Variants in MEGF11 observed in about 807,000 individuals in gnomAD.
MEGF11 encodes the protein multiple EGF like domains 11, also known as multiple epidermal growth factor-like domains protein 11.
Under a neutral mutation model 146.6 loss-of-function variants are expected in MEGF11, and 126 were observed. The observed-to-expected ratio is 0.86, with a 90% confidence interval of 0.74 to 1.00. The LOEUF is 1.00. Among genes scored for constraint, MEGF11 ranks in the 50% least tolerant of loss-of-function variants. The pLI is 0.00. For missense variants in MEGF11, 1,509 were observed against 1,521.2 expected, an observed-to-expected ratio of 0.99 and a Z score of 0.13; for synonymous variants, 532 against 583.4, an observed-to-expected ratio of 0.91 and a Z score of 1.27.
chr15:66,145,257 C>T (rs2089322658), intron 1 of MEGF11, among the ~76,000 whole-genome samples: 1 of 152,108 alleles, frequency 6.6e-6, no homozygotes, highest in East Asian at 1.9e-4. Flanking sequence ...ATGAAATTCA[C>T]CTTAATAAGC....
intron 5 of MEGF11, among the ~76,000 whole-genome samples, chr15:66,066,596 A>G (rs1157403046): frequency 6.6e-6 from 1 of 152,128 alleles, no homozygotes; most frequent in Non-Finnish European, 1.5e-5. Flanking sequence ...TGCTCACTAC[A>G]GGTCTGTCTG....
chr15:66,251,711 C>T (rs1193065567), intron 1 of MEGF11, among the ~76,000 whole-genome samples: 1 of 152,222 alleles, frequency 6.6e-6, no homozygotes, highest in Non-Finnish European at 1.5e-5. Flanking sequence ...GGCCCTGACC[C>T]AGAAGTCAGG....
At chr15:66,204,890 G>A (rs1204929067) in intron 1 of MEGF11, among the ~76,000 whole-genome samples, 1 of 151,542 alleles carries the variant, frequency 6.6e-6, no homozygotes, top group Non-Finnish European at 1.5e-5. Flanking sequence ...ACAAACATAA[G>A]AAGACTGTGA....
intron 13 of MEGF11, among the ~76,000 whole-genome samples, chr15:65,928,113 C>G (rs2079438077): frequency 6.6e-6 from 1 of 152,130 alleles, no homozygotes. Context: ...TGAGACTGGA[C>G]TAAGGAGAAA....
At chr15:65,967,105 A>G (rs2081130529) in intron 8 of MEGF11, 1 of 152,244 alleles carries the variant, frequency 6.6e-6, no homozygotes, top group Non-Finnish European at 1.5e-5. Context: ...TTTTCATAAA[A>G]TGGGACGATA....
intron 1 of MEGF11, among the ~76,000 whole-genome samples, chr15:66,244,373 G>T (rs1039044038): frequency 1.3e-5 from 2 of 152,126 alleles, no homozygotes; most frequent in African/African-American, 2.4e-5. Flanking sequence ...CCACCAGAAA[G>T]CTCAGAGTCC....
At chr15:66,001,029 G>T (rs1232643319) in intron 5 of MEGF11, among the ~76,000 whole-genome samples, 1 of 152,190 alleles carries the variant, frequency 6.6e-6, no homozygotes, top group Non-Finnish European at 1.5e-5. Context: ...ACTTGGGCAG[G>T]ATACTCTGGT....
At chr15:66,049,911 T>C (rs533895274) in intron 5 of MEGF11, among the ~76,000 whole-genome samples, 1 of 152,356 alleles carries the variant, frequency 6.6e-6, no homozygotes, top group African/African-American at 2.4e-5. Context: ...AATCTATTCA[T>C]CCACTCATTT....
At chr15:66,060,534 G>GGAACTGTCTTA in intron 5 of MEGF11, among the ~76,000 whole-genome samples, 1 of 152,194 alleles carries the variant, frequency 6.6e-6, no homozygotes, top group South Asian at 2.1e-4. Context: ...AGTACCTGTT[G>GGAACTGTCTTA]GAACTGTCTT....
Position 65,896,438 on chromosome 15 carries a change from A to C in MEGF11, c.*1496T>G, listed in dbSNP as rs1023449944. On this transcript the variant is annotated 3_prime_UTR_variant, in exon 26 of 26. Transcript: ENST00000395614. ...TTCTATCAAGGGTTTCAGAACTCTC[A>C]TACTTCCTGTAGCAGTATTCCAGCT... 5.2e-5 allele frequency: 8 copies of C among 152,758 alleles called. No individual in the cohort carries two copies. In the East Asian group the frequency reaches 1.4e-3, roughly 26 times the overall value. The allele number at this position is 152,758 out of a possible 1,614,324, so 9.5% of individuals were successfully genotyped here.
intron 5 of MEGF11, among the ~76,000 whole-genome samples, chr15:66,071,211 G>A (rs2085349355): frequency 6.6e-6 from 1 of 152,140 alleles, no homozygotes; most frequent in Admixed American, 6.5e-5. Flanking sequence ...ACCTGTTCAG[G>A]CCCTGATGAC....
intron 1 of MEGF11, among the ~76,000 whole-genome samples, chr15:66,152,419 T>C (rs1366659545): frequency 6.6e-6 from 1 of 152,126 alleles, no homozygotes; most frequent in Non-Finnish European, 1.5e-5. Context: ...GACTTTGCGG[T>C]GTAAGTCACC....
chr15:66,112,816 C>G (rs769219947), intron 4 of MEGF11, among the ~76,000 whole-genome samples: 5 of 152,182 alleles, frequency 3.3e-5, no homozygotes, highest in Admixed American at 1.3e-4. Flanking sequence ...GGCAGCTTAA[C>G]TATCATTCAA....
chr15:65,957,844 A>C (rs1487531962), intron 9 of MEGF11, 123 bp from the exon 10 acceptor site: 1 of 830,832 alleles, frequency 1.2e-6, no homozygotes, highest in Non-Finnish European at 1.9e-6. Context: ...CTGGGATTAA[A>C]TTGCTCAATG....
intron 7 of MEGF11, among the ~76,000 whole-genome samples, chr15:65,980,316 TG>T (rs1020034532): frequency 6.6e-6 from 1 of 150,660 alleles, no homozygotes. Context: ...GCTGTGTCCA[TG>T]GCACCACTGG....
intron 1 of MEGF11, among the ~76,000 whole-genome samples, chr15:66,214,530 G>A (rs1243478771): frequency 6.6e-6 from 1 of 152,212 alleles, no homozygotes; most frequent in African/African-American, 2.4e-5. Context: ...GAATGACACA[G>A]CAGAAGAAGA....
intron 1 of MEGF11, among the ~76,000 whole-genome samples, chr15:66,208,864 T>A (rs11636269): frequency 3.3e-5 from 5 of 151,434 alleles, no homozygotes; most frequent in Admixed American, 6.6e-5. Flanking sequence ...GCAACAAGAG[T>A]GAAACTCCAT....
chr15:65,977,272 G>A (rs2081485162), intron 7 of MEGF11, among the ~76,000 whole-genome samples: 1 of 152,034 alleles, frequency 6.6e-6, no homozygotes, highest in Non-Finnish European at 1.5e-5. Flanking sequence ...AGGCAACTCA[G>A]CCTCATCAAG....
At chr15:65,972,615 G>C (rs2081330292) in intron 7 of MEGF11, among the ~76,000 whole-genome samples, 1 of 152,170 alleles carries the variant, frequency 6.6e-6, no homozygotes, top group Admixed American at 6.6e-5. Flanking sequence ...AGAGGGTTTA[G>C]ACTTCTTAAC....
Sources: allele counts gnomAD v4.1 joint callset (sites outside exome capture counted in the v4.1 genomes callset), GRCh38; gene constraint gnomAD v4.1.1; transcripts MANE v1.5; gene names NCBI Gene and HGNC (gene_info 2026-07-23, HGNC 2026-07-21).